Variants in COL22A1 observed in about 807,000 individuals in gnomAD.
COL22A1 encodes the protein collagen type XXII alpha 1 chain.
COL22A1 carries 221 observed loss-of-function variants against 248.9 expected under a neutral mutation model. The observed-to-expected ratio is 0.89, with a 90% confidence interval of 0.80 to 0.99. COL22A1 has a LOEUF of 0.99. Ranked by LOEUF, COL22A1 falls within the 50% of genes least tolerant of loss-of-function variation. The probability of loss-of-function intolerance (pLI) is 0.00; values close to 1 mark genes in which losing one functional copy is unlikely to be tolerated. For synonymous variants in COL22A1, 891 were observed against 793.4 expected (o/e 1.12, Z -2.07); for missense variants, 2,240 against 2,179.0 (o/e 1.03, Z -0.56).
rs968455524 is a variant in COL22A1, at chr8:138,833,247, T to C, written c.734-97A>G. 4 of 802,424 alleles carry C rather than the reference T, an allele frequency of 5.0e-6. No individual in the cohort carries two copies. The African/African-American group carries it at 6.8e-5, about 14-fold the overall frequency. The allele number at this position is 802,424 out of a possible 1,614,324, so 49.7% of individuals were successfully genotyped here. ...GCTGTCTGCAAAGGCAGCCTGCCCA[T>C]CCTGCCCCAGGAGAACAGATCGGGA... On this transcript the variant is annotated intron_variant, in intron 4 of 64. Coordinates refer to ENST00000303045, the MANE Select transcript of COL22A1 (RefSeq NM_152888.3).
intron 30 of COL22A1, among the ~76,000 whole-genome samples, chr8:138,714,502 G>T (rs764184375): frequency 2.0e-5 from 3 of 152,122 alleles, no homozygotes; most frequent in African/African-American, 7.2e-5. Context: ...TGACTGCCAG[G>T]CTCCTTCTAT....
intron 10 of COL22A1, among the ~76,000 whole-genome samples, chr8:138,805,951 TTATGGTGTG>T (rs1470110827): frequency 3.5e-5 from 5 of 141,450 alleles, no homozygotes; most frequent in African/African-American, 1.4e-4. Context: ...TGATGGTATA[TTATGGTGTG>T]TATGTGTGAT....
chr8:138,658,983 T>C (rs1004948855), intron 44 of COL22A1, among the ~76,000 whole-genome samples: 1 of 152,170 alleles, frequency 6.6e-6, no homozygotes, highest in Non-Finnish European at 1.5e-5. Context: ...AGCTGCACTA[T>C]GCTGACTTCA....
At chr8:138,690,493 T>C (rs1826752164) in intron 36 of COL22A1, among the ~76,000 whole-genome samples, 1 of 152,156 alleles carries the variant, frequency 6.6e-6, no homozygotes, top group African/African-American at 2.4e-5. Context: ...GGTCCCCCAA[T>C]AGCCGTCAGG....
intron 41 of COL22A1, among the ~76,000 whole-genome samples, chr8:138,669,255 G>A (rs1199725917): frequency 6.6e-6 from 1 of 152,224 alleles, no homozygotes; most frequent in Admixed American, 6.5e-5. Flanking sequence ...AGTGATGCAG[G>A]GGCAGAGTGA....
At chr8:138,859,692 G>A (rs1344321518) in intron 3 of COL22A1, among the ~76,000 whole-genome samples, 1 of 152,092 alleles carries the variant, frequency 6.6e-6, no homozygotes, top group Admixed American at 6.5e-5. Flanking sequence ...CTCCTTCCAG[G>A]GCACCCACTG....
At chr8:138,839,371 C>T (rs571627815) in intron 4 of COL22A1, among the ~76,000 whole-genome samples, 5 of 152,172 alleles carry the variant, frequency 3.3e-5, no homozygotes, top group African/African-American at 2.4e-5. Context: ...TCGGCTCCAT[C>T]GGCGAGTTTG....
intron 39 of COL22A1, among the ~76,000 whole-genome samples, chr8:138,683,319 AAATG>A (rs1166042074): frequency 3.3e-5 from 5 of 152,242 alleles, no homozygotes; most frequent in Non-Finnish European, 7.3e-5. Context: ...ATTGATGCGT[AAATG>A]AATGAATGAT....
At chr8:138,796,780 C>A in intron 12 of COL22A1, 39 bp downstream of exon 12, 7 of 1,435,138 alleles carry the variant, frequency 4.9e-6, no homozygotes, top group Non-Finnish European at 6.9e-6. Context: ...TCCTCTGTCC[C>A]ATTCCCTTGG....
intron 28 of COL22A1, 108 bp downstream of exon 28, chr8:138,716,716 CA>C: frequency 2.4e-6 from 2 of 842,050 alleles, no homozygotes. Context: ...AGTGAGCTCC[CA>C]AAAACCAGGA....
chr8:138,761,292 C>T (rs761372128), intron 17 of COL22A1, among the ~76,000 whole-genome samples: 7 of 152,082 alleles, frequency 4.6e-5, no homozygotes, highest in Non-Finnish European at 7.4e-5. Flanking sequence ...AGGCACTGCA[C>T]GATGGATATT....
chr8:138,906,247 A>T (rs1406409740), intron 1 of COL22A1, among the ~76,000 whole-genome samples: 1 of 151,912 alleles, frequency 6.6e-6, no homozygotes, highest in African/African-American at 2.4e-5. Flanking sequence ...GCGGGCACCT[A>T]TAGTCCCAGC....
intron 45 of COL22A1, among the ~76,000 whole-genome samples, chr8:138,651,813 G>A (rs1325013494): frequency 6.6e-6 from 1 of 152,164 alleles, no homozygotes; most frequent in Non-Finnish European, 1.5e-5. Context: ...TGGACTTAAA[G>A]GGTGCCCTGG....
At chr8:138,860,781 C>A (rs989006464) in intron 3 of COL22A1, among the ~76,000 whole-genome samples, 3 of 152,184 alleles carry the variant, frequency 2.0e-5, no homozygotes, top group Admixed American at 6.5e-5. Context: ...ACACTCCAGC[C>A]TGGGCAACAG....
chr8:138,752,094 T>C (rs1383929907), intron 21 of COL22A1, among the ~76,000 whole-genome samples: 2 of 152,224 alleles, frequency 1.3e-5, no homozygotes, highest in Admixed American at 1.3e-4. Flanking sequence ...TTGGTGCCGT[T>C]AAACCTCGGT....
intron 60 of COL22A1, among the ~76,000 whole-genome samples, chr8:138,601,764 G>A (rs775995916): frequency 2.0e-5 from 3 of 152,122 alleles, no homozygotes; most frequent in Non-Finnish European, 4.4e-5. Context: ...TTCGGGAGCC[G>A]AGCCCGTCTC....
At chr8:138,613,667 G>A (rs1387115499) in intron 56 of COL22A1, among the ~76,000 whole-genome samples, 200 bp downstream of exon 56, 3 of 151,804 alleles carry the variant, frequency 2.0e-5, no homozygotes, top group African/African-American at 7.3e-5. Flanking sequence ...TATTGTTGTG[G>A]GGGATGGTCC....
At chr8:138,609,789 C>A (rs1415372599) in intron 56 of COL22A1, among the ~76,000 whole-genome samples, 1 of 152,128 alleles carries the variant, frequency 6.6e-6, no homozygotes, top group Non-Finnish European at 1.5e-5. Flanking sequence ...AGGCCATGTG[C>A]ACAGAAGGCA....
chr8:138,735,252 C>T (rs534485936), intron 23 of COL22A1, among the ~76,000 whole-genome samples: 9 of 152,160 alleles, frequency 5.9e-5, no homozygotes, highest in Non-Finnish European at 1.2e-4. Context: ...AACACAGCTT[C>T]GATTCCATCA....
Sources: allele counts gnomAD v4.1 joint callset (sites outside exome capture counted in the v4.1 genomes callset), GRCh38; gene constraint gnomAD v4.1.1; transcripts MANE v1.5; gene names NCBI Gene and HGNC (gene_info 2026-07-23, HGNC 2026-07-21).